Variants in CHLSN observed in about 807,000 individuals in gnomAD.
CHLSN encodes cholesin.
the CHLSN span, chr7:1,092,765 C>G: frequency 5.6e-6 from 9 of 1,613,650 alleles, no homozygotes; most frequent in East Asian, 2.0e-4. Context: ...ACAAATTTGC[C>G]GGCCCTGAAC....
the CHLSN span, among the ~76,000 whole-genome samples, chr7:1,034,432 G>T: frequency 9.6e-4 from 146 of 151,778 alleles, no homozygotes; most frequent in African/African-American, 3.4e-3. Context: ...ATTCTAAAAC[G>T]TATATGGAAA....
At chr7:1,091,383 CA>C in the CHLSN span, 7 of 235,926 alleles carry the variant, frequency 3.0e-5, no homozygotes, top group Non-Finnish European at 5.8e-5. Flanking sequence ...GATGAGACTT[CA>C]TCCTCTCCTG....
chr7:1,123,869 G>A, the CHLSN span, among the ~76,000 whole-genome samples: 2 of 152,066 alleles, frequency 1.3e-5, no homozygotes, highest in Non-Finnish European at 1.5e-5. This position sits in a 1 kb window ranked among gnomAD's most constrained non-coding sequence, Gnocchi z 4.4. Context: ...TGGTGAACCG[G>A]GCTCCACCGA....
the CHLSN span, among the ~76,000 whole-genome samples, chr7:1,115,635 C>T: frequency 7.5e-5 from 10 of 133,832 alleles, 1 homozygote; most frequent in African/African-American, 1.9e-4. Context: ...CCAACGCCCA[C>T]GCAGGATGAT....
the CHLSN span, among the ~76,000 whole-genome samples, chr7:1,005,699 A>G: frequency 5.0e-4 from 76 of 152,322 alleles, no homozygotes; most frequent in African/African-American, 1.8e-3. Flanking sequence ...AAGCTAAGAC[A>G]CCATGCTGTG....
At chr7:1,097,595 C>T in the CHLSN span, among the ~76,000 whole-genome samples, 7 of 152,122 alleles carry the variant, frequency 4.6e-5, no homozygotes, top group East Asian at 3.9e-4. The surrounding 1 kb of genome is among the most constrained non-coding windows in gnomAD (Gnocchi z 4.3). Flanking sequence ...CAGAGGGAGA[C>T]GGGGGCAGGT....
the CHLSN span, among the ~76,000 whole-genome samples, chr7:1,050,105 T>G: frequency 6.6e-6 from 1 of 152,218 alleles, no homozygotes; most frequent in East Asian, 1.9e-4. Flanking sequence ...TTCTGCAGTG[T>G]GAGACCTGCT....
the CHLSN span, among the ~76,000 whole-genome samples, chr7:1,013,040 T>G: frequency 1.3e-5 from 2 of 151,842 alleles, no homozygotes; most frequent in Non-Finnish European, 2.9e-5. Flanking sequence ...CGGCAGGTCG[T>G]GGGGAATGGG....
At chr7:1,022,563 C>G in the CHLSN span, among the ~76,000 whole-genome samples, 1 of 152,178 alleles carries the variant, frequency 6.6e-6, no homozygotes, top group African/African-American at 2.4e-5. Flanking sequence ...GTGCCCTCCA[C>G]CACCTCCTCC....
the CHLSN span, among the ~76,000 whole-genome samples, chr7:1,002,674 A>G: frequency 2.2e-5 from 1 of 44,544 alleles, no homozygotes. Flanking sequence ...CCTGCGGGTG[A>G]GTGGAGTCCT....
chr7:1,018,583 C>G, the CHLSN span, among the ~76,000 whole-genome samples: 1 of 150,550 alleles, frequency 6.6e-6, no homozygotes, highest in Non-Finnish European at 1.5e-5. Context: ...GAGGTGTGCA[C>G]GCGGGCGGGT....
the CHLSN span, among the ~76,000 whole-genome samples, chr7:1,085,932 G>C: frequency 6.6e-6 from 1 of 152,190 alleles, no homozygotes; most frequent in African/African-American, 2.4e-5. Flanking sequence ...TATTAAGTAG[G>C]TCTTGGAGAC....
the CHLSN span, chr7:1,023,010 G>A: frequency 1.5e-5 from 7 of 462,864 alleles, no homozygotes; most frequent in Admixed American, 1.4e-4. The surrounding 1 kb of genome is among the most constrained non-coding windows in gnomAD (Gnocchi z 5.0). Context: ...TGGAGGACAG[G>A]GAGAGCGGCC....
chr7:1,007,943 G>A, the CHLSN span, among the ~76,000 whole-genome samples: 1 of 152,146 alleles, frequency 6.6e-6, no homozygotes. Context: ...CCACGTGGTG[G>A]AGCGGATGGT....
chr7:1,080,809 G>A, the CHLSN span: 2 of 152,276 alleles, frequency 1.3e-5, no homozygotes, highest in East Asian at 1.9e-4. Context: ...GGGTCACGGC[G>A]AATTATATAC....
the CHLSN span, among the ~76,000 whole-genome samples, chr7:979,675 C>T: frequency 6.6e-6 from 1 of 151,782 alleles, no homozygotes; most frequent in Admixed American, 6.6e-5. Context: ...TCGCTTGAAC[C>T]TGGGAGGCGG....
chr7:984,839 G>T, the CHLSN span: 1 of 1,407,530 alleles, frequency 7.1e-7, no homozygotes, highest in Non-Finnish European at 9.5e-7. Context: ...ATGGGGGTGA[G>T]GGCCCAGCCA....
the CHLSN span, chr7:1,091,473 C>T: frequency 2.1e-6 from 1 of 477,990 alleles, no homozygotes. Context: ...GGGACGCCCG[C>T]CGGACGAGCA....
the CHLSN span, among the ~76,000 whole-genome samples, chr7:1,089,804 C>T: frequency 6.6e-6 from 1 of 151,406 alleles, no homozygotes; most frequent in Non-Finnish European, 1.5e-5. Flanking sequence ...AACCCCTGGC[C>T]CGGCGCGGTG....
Sources: allele counts gnomAD v4.1 joint callset (sites outside exome capture counted in the v4.1 genomes callset), GRCh38; gene constraint gnomAD v4.1.1; non-coding constraint Gnocchi (gnomAD v3.1); transcripts MANE v1.5; gene names NCBI Gene and HGNC (gene_info 2026-07-23, HGNC 2026-07-21).